CCDC18: variants seen among roughly 807,000 people sequenced by gnomAD.
The protein encoded by CCDC18 is coiled-coil domain containing 18.
A neutral mutation model predicts 196.0 loss-of-function variants in CCDC18; 157 were observed. The observed-to-expected ratio is 0.80, with a 90% confidence interval of 0.70 to 0.91. The LOEUF is 0.91. CCDC18 is among the 40% of genes least tolerant of loss of function. CCDC18 has a pLI of 0.00. For synonymous variants in CCDC18, 482 were observed against 529.2 expected, an observed-to-expected ratio of 0.91 and a Z score of 1.22; for missense variants, 1,465 against 1,611.6, an observed-to-expected ratio of 0.91 and a Z score of 1.56.
intron 18 of CCDC18, among the ~76,000 whole-genome samples, chr1:93,234,130 G>GT (rs1557667194): frequency 6.7e-6 from 1 of 149,984 alleles, no homozygotes; most frequent in Non-Finnish European, 1.5e-5. Context: ...TTTCTGTTTT[G>GT]TTTTGTTTTT....
At chr1:93,220,683 G>A (rs751675415) in intron 14 of CCDC18, among the ~76,000 whole-genome samples, 1 of 152,096 alleles carries the variant, frequency 6.6e-6, no homozygotes, top group Non-Finnish European at 1.5e-5. Context: ...TGTCACATAG[G>A]TAAATGTGTG....
intron 4 of CCDC18, among the ~76,000 whole-genome samples, chr1:93,187,690 A>C (rs1162604446): frequency 1.3e-5 from 2 of 152,158 alleles, no homozygotes; most frequent in Non-Finnish European, 2.9e-5. Flanking sequence ...CACAGGAAAA[A>C]CAAAATGCAG....
Position 93,214,958 on chromosome 1 carries a change from G to A in CCDC18, c.1711G>A (p.Glu571Lys), listed in dbSNP as rs112836442. ...GAAAGCTTCAAACTCCAGCAAACTG[G>A]AAAGTGAAGTAAGCTTGGAATTAGC... ...LEKASNSSKL[E>K]SEMTKKCSQL... Residue 571 changes from glutamate (E) to lysine (K), a missense_variant, in exon 12 of 29, where the codon GAA becomes AAA. Transcript: ENST00000690025. 2.1e-4 allele frequency: 338 copies of A among 1,593,640 alleles called. No individual in the cohort carries two copies. The African/African-American group carries it at 4.1e-3, about 19-fold the overall frequency.
chr1:93,264,943 C>A (rs753775293), intron 27 of CCDC18, 42 bp downstream of exon 27: 1 of 1,376,272 alleles, frequency 7.3e-7, no homozygotes, highest in Non-Finnish European at 1.0e-6. Flanking sequence ...TCTATGAAAA[C>A]ATAAATGTCT....
At chr1:93,198,127 G>A (rs564124866) in intron 6 of CCDC18, among the ~76,000 whole-genome samples, 1 of 152,198 alleles carries the variant, frequency 6.6e-6, no homozygotes, top group East Asian at 1.9e-4. Context: ...GCTGCTAAAG[G>A]TAAACATAAG....
At chr1:93,220,115 A>G (rs957487963) in intron 14 of CCDC18, among the ~76,000 whole-genome samples, 1 of 152,192 alleles carries the variant, frequency 6.6e-6, no homozygotes, top group Non-Finnish European at 1.5e-5. Flanking sequence ...GCCAAAAACT[A>G]AAACAAAAAA....
chr1:93,271,509 C>A (rs146173887), intron 28 of CCDC18: 1 of 985,282 alleles, frequency 1.0e-6, no homozygotes, highest in East Asian at 1.1e-4. Flanking sequence ...CTTTATTTCC[C>A]TCTTCCTTTC....
intron 26 of CCDC18, chr1:93,262,326 A>G (rs532484065): frequency 1.3e-5 from 2 of 152,310 alleles, no homozygotes; most frequent in Non-Finnish European, 2.9e-5. Context: ...GTCCAAGTCC[A>G]AAGTCTTATC....
chr1:93,211,368 C>T (rs1015161946), intron 10 of CCDC18, among the ~76,000 whole-genome samples: 16 of 151,700 alleles, frequency 1.1e-4, no homozygotes, highest in Middle Eastern at 3.2e-3. Context: ...GATTCCACAA[C>T]TAAGAATTGA....
chr1:93,221,771 T>A, intron 15 of CCDC18, 28 bp downstream of exon 15: 1 of 1,596,562 alleles, frequency 6.3e-7, no homozygotes, highest in Non-Finnish European at 8.5e-7. Flanking sequence ...AAAGTGCTAT[T>A]TAGAAGTTGA....
At chr1:93,207,544 A>T in intron 9 of CCDC18, 146 bp downstream of exon 9, 3 of 611,250 alleles carry the variant, frequency 4.9e-6, no homozygotes, top group Middle Eastern at 4.6e-4. Context: ...CTAAATCTCT[A>T]TTTTTTTTCC....
chr1:93,227,174 CT>C (rs36053002), intron 17 of CCDC18, among the ~76,000 whole-genome samples: 4,900 of 103,484 alleles, frequency 0.047, 99 homozygotes, highest in African/African-American at 0.2. Context: ...CATTGGAAAC[CT>C]TTTTTTTTTT....
At chr1:93,204,058 G>T (rs2101875991) in intron 7 of CCDC18, among the ~76,000 whole-genome samples, 1 of 152,186 alleles carries the variant, frequency 6.6e-6, no homozygotes, top group East Asian at 1.9e-4. Context: ...GTTGGGAGAG[G>T]CAGCGAATGG....
chr1:93,206,733 A>G (rs1040181101), intron 8 of CCDC18, among the ~76,000 whole-genome samples: 2 of 152,140 alleles, frequency 1.3e-5, no homozygotes, highest in Non-Finnish European at 2.9e-5. Flanking sequence ...TAGGAATCCA[A>G]AACTTTGTTG....
upstream of CCDC18, chr1:93,180,350 G>A (rs1194346688): frequency 3.7e-6 from 5 of 1,366,986 alleles, no homozygotes; most frequent in Admixed American, 2.9e-5. Context: ...GGAGTCTGAA[G>A]AAACTCCAGG....
chr1:93,245,506 T>C (rs753450920), intron 21 of CCDC18, among the ~76,000 whole-genome samples: 21 of 152,186 alleles, frequency 1.4e-4, no homozygotes, highest in Non-Finnish European at 2.6e-4. Flanking sequence ...TTTCAAATTA[T>C]TCTCTGATCA....
At chr1:93,190,891 T>A in intron 4 of CCDC18, 2 of 736,990 alleles carry the variant, frequency 2.7e-6, no homozygotes, top group East Asian at 2.7e-5. Flanking sequence ...AGCCTTTTTC[T>A]GGAAAATCTA....
intron 4 of CCDC18, 94 bp downstream of exon 4, chr1:93,186,597 A>T: frequency 1.0e-6 from 1 of 953,258 alleles, no homozygotes; most frequent in African/African-American, 1.7e-5. Flanking sequence ...ACATTGCCTT[A>T]ATGTGTTATG....
At chr1:93,262,234 T>A (rs1663905085) in intron 26 of CCDC18, 1 of 152,214 alleles carries the variant, frequency 6.6e-6, no homozygotes. Context: ...CCAGATCTCT[T>A]GTCCTTCTCA....
Sources: gnomAD v4.1 joint callset for allele counts (sites outside exome capture counted in the v4.1 genomes callset) on GRCh38, gnomAD v4.1.1 for gene constraint, MANE v1.5 for transcripts, NCBI Gene and HGNC (gene_info 2026-07-23, HGNC 2026-07-21) for gene names.